The following SI variants were observed in gnomAD, a reference collection of about 807,000 sequenced individuals.
SI encodes the protein sucrase-isomaltase.
Under a neutral mutation model 253.3 loss-of-function variants are expected in SI, and 235 were observed. The observed-to-expected ratio is 0.93, with a 90% CI of 0.83 to 1.03. SI has a LOEUF of 1.03. SI is among the 50% of genes least tolerant of loss of function. The pLI, the probability that SI is intolerant of heterozygous loss-of-function variation, is 0.00. For synonymous variants in SI, 819 were observed against 712.0 expected (o/e 1.15, Z -2.39); for missense variants, 2,442 against 2,211.1 (o/e 1.10, Z -2.09).
intron 5 of SI, among the ~76,000 whole-genome samples, 157 bp downstream of exon 5, chr3:165,068,565 G>A (rs1465742250): frequency 6.6e-6 from 1 of 152,126 alleles, no homozygotes; most frequent in Non-Finnish European, 1.5e-5. Context: ...AATAGAGACG[G>A]GGTTTCACCC....
intron 38 of SI, among the ~76,000 whole-genome samples, chr3:164,998,238 C>A (rs1050141161): frequency 2.6e-5 from 4 of 151,658 alleles, no homozygotes; most frequent in African/African-American, 9.7e-5. Flanking sequence ...AATTTCTATT[C>A]ATTTCTCTCT....
chr3:165,025,519 C>CA, intron 25 of SI, among the ~76,000 whole-genome samples: 1 of 151,176 alleles, frequency 6.6e-6, no homozygotes, highest in Admixed American at 6.6e-5. Context: ...ATATTCATCG[C>CA]AAAAAGGTCA....
At chr3:165,076,109 A>C in intron 1 of SI, 97 bp from the exon 2 acceptor site, 1 of 931,094 alleles carries the variant, frequency 1.1e-6, no homozygotes. Flanking sequence ...TTTTTTTACT[A>C]TGTATAATGC....
chr3:165,023,546 T>C (rs1219347973), intron 26 of SI, 24 bp downstream of exon 26: 1 of 1,514,126 alleles, frequency 6.6e-7, no homozygotes, highest in Non-Finnish European at 9.2e-7. Flanking sequence ...AGTTAAGCTT[T>C]GGGGTAGTTT....
chr3:165,062,312 C>T, intron 9 of SI, 59 bp downstream of exon 9: 1 of 823,024 alleles, frequency 1.2e-6, no homozygotes, highest in Non-Finnish European at 2.1e-6. Context: ...AATATGTGGT[C>T]ATGTTAGATG....
intron 31 of SI, 61 bp downstream of exon 31, chr3:165,017,487 T>A: frequency 6.6e-7 from 1 of 1,526,420 alleles, no homozygotes; most frequent in Non-Finnish European, 9.0e-7. Context: ...ACATGTTTAA[T>A]TATTTCATTC....
intron 9 of SI, 34 bp from the exon 10 acceptor site, chr3:165,060,061 A>C: frequency 1.9e-6 from 3 of 1,584,516 alleles, no homozygotes; most frequent in Non-Finnish European, 2.6e-6. Flanking sequence ...TAGTTTGAAT[A>C]GAAATAAATA....
intron 3 of SI, among the ~76,000 whole-genome samples, chr3:165,074,032 G>A (rs998993736): frequency 2.0e-5 from 3 of 151,930 alleles, no homozygotes; most frequent in East Asian, 1.9e-4. Flanking sequence ...GAGTGAACTT[G>A]GGTTACATGA....
rs143499680 is a variant in SI, at chr3:165,036,748, G to A, written c.2427-271C>T. 2.5e-3 allele frequency among the ~76,000 whole-genome samples: 379 copies of A among 151,658 alleles called. 3 individuals carry two copies. Among genetic ancestry groups the A allele is most frequent in the African/African-American group, 8.5e-3 (354 of 41,422 alleles). On this transcript the variant is annotated intron_variant, in intron 21 of 47. Transcript: ENST00000264382. ...GGATTTTTTGAAGGCTGAGATACTTGCAAAATTGAAATAATATAATATTTT... is the reference window on the plus strand; with the variant it reads ...GGATTTTTTGAAGGCTGAGATACTTACAAAATTGAAATAATATAATATTTT...
At chr3:165,075,225 C>T (rs144895797) in intron 2 of SI, among the ~76,000 whole-genome samples, 27 of 151,978 alleles carry the variant, frequency 1.8e-4, no homozygotes, top group Middle Eastern at 3.4e-3. Context: ...ATACAGTAAG[C>T]TCTCAGTTTC....
chr3:165,087,526 T>G, the SI span, among the ~76,000 whole-genome samples: 1 of 152,220 alleles, frequency 6.6e-6, no homozygotes, highest in African/African-American at 2.4e-5. Context: ...CTTAAGGAGA[T>G]TCTATAGATA....
At chr3:164,997,019 A>G (rs1035041075) in intron 38 of SI, among the ~76,000 whole-genome samples, 1 of 151,802 alleles carries the variant, frequency 6.6e-6, no homozygotes, top group African/African-American at 2.4e-5. Context: ...AAGGTGACAT[A>G]TTCAGACAAC....
At chr3:164,990,681 G>T (rs1262633821) in intron 44 of SI, among the ~76,000 whole-genome samples, 1 of 152,112 alleles carries the variant, frequency 6.6e-6, no homozygotes, top group Non-Finnish European at 1.5e-5. Context: ...CTCAGTCATA[G>T]GTGGGAATTG....
At chr3:165,043,282 T>G (rs1712942786) in intron 16 of SI, 107 bp from the exon 17 acceptor site, 2 of 738,458 alleles carry the variant, frequency 2.7e-6, no homozygotes, top group South Asian at 3.2e-5. Context: ...TACAATTTGT[T>G]TTACTCCTTT....
intron 43 of SI, 76 bp downstream of exon 43, chr3:164,992,101 C>T (rs564027722): frequency 4.4e-5 from 52 of 1,182,638 alleles, no homozygotes; most frequent in African/African-American, 1.2e-4. Context: ...TCCAACATAC[C>T]GTTAATGAAA....
intron 15 of SI, among the ~76,000 whole-genome samples, chr3:165,047,688 T>A (rs1713195359): frequency 6.6e-6 from 1 of 152,046 alleles, no homozygotes; most frequent in South Asian, 2.1e-4. Context: ...AATATAATAT[T>A]TAAAGTAATT....
chr3:165,008,537 G>A (rs1474692802), intron 35 of SI, among the ~76,000 whole-genome samples: 2 of 151,926 alleles, frequency 1.3e-5, no homozygotes, highest in African/African-American at 4.8e-5. Context: ...GGATCCAGAT[G>A]ACATTCTCAG....
chr3:165,030,925 A>G, intron 24 of SI, 58 bp from the exon 25 acceptor site: 2 of 1,507,798 alleles, frequency 1.3e-6, no homozygotes, highest in Non-Finnish European at 1.8e-6. Context: ...ACAAACAAAA[A>G]CATTAAACAC....
At chr3:164,994,430 T>C (rs527878080) in intron 40 of SI, 25 bp from the exon 41 acceptor site, 7 of 1,607,848 alleles carry the variant, frequency 4.4e-6, no homozygotes, top group Non-Finnish European at 6.0e-6. Flanking sequence ...AATAACATAG[T>C]TATAAGCTTT....
Sources: gnomAD v4.1 joint callset for allele counts (sites outside exome capture counted in the v4.1 genomes callset) on GRCh38, gnomAD v4.1.1 for gene constraint, MANE v1.5 for transcripts, NCBI Gene and HGNC (gene_info 2026-07-23, HGNC 2026-07-21) for gene names.